MLXIPL: variants seen among roughly 807,000 people sequenced by gnomAD.
MLXIPL encodes MLX interacting protein like.
In MLXIPL, 49 loss-of-function variants were observed where a neutral mutation model predicts 81.5. That is an observed-to-expected ratio of 0.60 (90% CI 0.48 to 0.76). The LOEUF (loss-of-function observed/expected upper bound fraction) is 0.76. Among genes scored for constraint, MLXIPL ranks in the 30% least tolerant of loss-of-function variants. The pLI is 0.00. For synonymous variants in MLXIPL, 466 were observed against 485.5 expected (o/e 0.96, Z 0.53); for missense variants, 1,053 against 1,167.0 (o/e 0.90, Z 1.42).
rs545496649 is a variant in MLXIPL, at chr7:73,604,291, A to G, written c.901+1397T>C. On this transcript the variant is annotated intron_variant, in intron 7 of 16. Coordinates refer to ENST00000313375, the MANE Select transcript of MLXIPL (RefSeq NM_032951.3). ...CCTGGGATTTTCTTTAAAATAACGCACTGGGCACGGTGGCACACACCTGTA... is the reference window on the plus strand; with the variant it reads ...CCTGGGATTTTCTTTAAAATAACGCGCTGGGCACGGTGGCACACACCTGTA... Among the ~76,000 whole-genome samples, 98 of 142,708 alleles carry G rather than the reference A, an allele frequency of 6.9e-4. 1 individual carries two copies. The highest frequency in any genetic ancestry group is 2.3e-3 in the African/African-American group (90 of 38,560). The allele number at this position is 142,708 out of a possible 152,430, so 93.6% of individuals were successfully genotyped here.
chr7:73,634,243 C>T, the MLXIPL span, among the ~76,000 whole-genome samples: 21 of 152,204 alleles, frequency 1.4e-4, no homozygotes, highest in East Asian at 2.1e-3. Context: ...CCAAAAATTA[C>T]GAGTTTGCCA....
Position 73,596,219 on chromosome 7 carries a change from G to A in MLXIPL, c.1992C>T (p.Asn664=). Residue 664 remains asparagine, a synonymous_variant, in exon 13 of 17, where the codon AAC becomes AAT. Transcript: ENST00000313375. The surrounding 1 kb of genome is among the most constrained non-coding windows in gnomAD (Gnocchi z 4.7). ...HISAEQKRRF[N]IKLGFDTLHG... ...GAAGGGTGTCAAACCCCAGCTTGAT[G>A]TTGAAGCGCCGCTTCTGCTCCGCGG... is the stretch of plus-strand genomic sequence containing the variant. 1 of 1,613,634 alleles carries A rather than the reference G, an allele frequency of 6.2e-7. No homozygotes were observed. The highest frequency in any genetic ancestry group is 1.3e-5 in the African/African-American group (1 of 74,954).
chr7:73,624,495 C>A lies in MLXIPL; in HGVS notation c.-3G>T. 1 of 1,524,146 alleles carries A rather than the reference C, an allele frequency of 6.6e-7. No homozygotes were observed. Among genetic ancestry groups the A allele is most frequent in the Non-Finnish European group, 8.8e-7 (1 of 1,142,382 alleles). 94.4% of individuals were successfully genotyped at this position (1,524,146 alleles called of 1,614,324 possible). A position where few individuals can be genotyped will look rare whatever the true frequency, so the allele number is the denominator to read the frequency against. On this transcript the variant is annotated 5_prime_UTR_variant, in exon 1 of 17. Transcript: ENST00000313375. ...AGACCTGCCAGCGCGCCGGCCATGG[C>A]TGTCGCCGCCGCAACCGCCTGGTCC... is the stretch of plus-strand genomic sequence containing the variant.
chr7:73,596,882 G>A lies in MLXIPL; in HGVS notation c.1654C>T (p.Arg552Trp), dbSNP rs139279697. 165 of 1,611,310 alleles carry A rather than the reference G, an allele frequency of 1.0e-4. No homozygotes were observed. Among genetic ancestry groups the A allele is most frequent in the Middle Eastern group, 1.9e-4 (1 of 5,208 alleles). The change falls in exon 10 of 17, where the codon CGG becomes TGG. Residue 552 changes from arginine to tryptophan, a missense_variant. By Grantham distance (101) the Arg-to-Trp change is moderately radical. This residue lies in a region of MLXIPL where 823 missense variants were observed against 933.0 expected (regional missense o/e 0.88). Coordinates refer to ENST00000313375, the MANE Select transcript of MLXIPL (RefSeq NM_032951.3). The surrounding 1 kb of genome is among the most constrained non-coding windows in gnomAD (Gnocchi z 4.7). ...GATCTTACCGGGGACCCTGGGGACC[G>A]GAGGAGGGTGCTGGATACAAGTGGT... is the stretch of plus-strand genomic sequence containing the variant. ...EPPLVSSTLL[R>W]SPGSPQETVP...
At chr7:73,620,604 G>A (rs1310009706) in intron 1 of MLXIPL, among the ~76,000 whole-genome samples, 3 of 147,558 alleles carry the variant, frequency 2.0e-5, no homozygotes, top group Admixed American at 6.9e-5. Flanking sequence ...AAAGCCGGAT[G>A]TGGTGGCAGG....
At position 73,607,014 on chromosome 7, in the gene MLXIPL, C is replaced by T. The variant is rs919046656; in HGVS notation, c.578G>A (p.Arg193His). Residue 193 changes from arginine (R) to histidine (H), a missense_variant, in exon 5 of 17, where the codon CGT (arginine) becomes CAT (histidine). Coordinates refer to ENST00000313375, the MANE Select transcript of MLXIPL (RefSeq NM_032951.3). ...KWRIYYKKRL[R>H]KPSREDDLLA... ...GAGGTCATCTTCCCTGCTGGGCTTA[C>T]GGAGCTGCAGGGACACACAGAGTTG... 5 of 1,613,526 alleles carry T rather than the reference C, an allele frequency of 3.1e-6. No homozygotes were observed. Among genetic ancestry groups the T allele is most frequent in the Admixed American group, 3.3e-5 (2 of 59,900 alleles).
intron 7 of MLXIPL, among the ~76,000 whole-genome samples, chr7:73,603,184 G>A (rs1554596872): frequency 6.6e-6 from 1 of 152,142 alleles, no homozygotes; most frequent in Non-Finnish European, 1.5e-5. Context: ...TGGGGGCAAC[G>A]AGAGCTGCCG....
the MLXIPL span, among the ~76,000 whole-genome samples, chr7:73,630,372 A>G: frequency 2.5e-4 from 34 of 137,662 alleles, no homozygotes; most frequent in African/African-American, 9.4e-4. Context: ...GGGTCATTGC[A>G]AGCTCTGCTT....
the MLXIPL span, among the ~76,000 whole-genome samples, chr7:73,630,137 A>G: frequency 1.3e-5 from 2 of 151,866 alleles, no homozygotes; most frequent in Non-Finnish European, 2.9e-5. Context: ...AGCTGGGACT[A>G]CAGGCGCCCG....
At position 73,596,230 on chromosome 7, in the gene MLXIPL, G is replaced by C; in HGVS notation, c.1981C>G (p.Arg661Gly). 6.2e-7 allele frequency: 1 copy of C among 1,613,522 alleles called. No individual in the cohort carries two copies. Among genetic ancestry groups the C allele is most frequent in the Non-Finnish European group, 8.5e-7 (1 of 1,179,960 alleles). The change falls in exon 13 of 17, where the codon CGG (arginine) becomes GGG (glycine). Residue 661 changes from arginine to glycine, a missense_variant. Around this residue, in one of 3 missense-constraint regions of MLXIPL, gnomAD observed 823 missense variants for 933.0 expected, o/e 0.88. Coordinates refer to ENST00000313375, the MANE Select transcript of MLXIPL (RefSeq NM_032951.3). This position sits in a 1 kb window ranked among gnomAD's most constrained non-coding sequence, Gnocchi z 4.7. ...RITHISAEQK[R>G]RFNIKLGFDT... ...AACCCCAGCTTGATGTTGAAGCGCC[G>C]CTTCTGCTCCGCGGAGATGTGTGTG...
rs541619213 is a variant in MLXIPL, at chr7:73,623,067, T to A, written c.293+1133A>T. Among the ~76,000 whole-genome samples, 8 of 152,190 alleles carry A rather than the reference T, an allele frequency of 5.3e-5. No homozygotes were observed. Among genetic ancestry groups the A allele is most frequent in the East Asian group, 1.9e-4 (1 of 5,162 alleles). On this transcript the variant is annotated intron_variant, in intron 1 of 16. Coordinates refer to ENST00000313375, the MANE Select transcript of MLXIPL (RefSeq NM_032951.3). This position sits in a 1 kb window ranked among gnomAD's most constrained non-coding sequence, Gnocchi z 5.7. The stretch of plus-strand genomic sequence containing the variant: ...CGCCCTGGCCGATCGGGTTGCAACA[T>A]GACCTGGGCCAGGGGCCAGAGCTTG...
chr7:73,597,150 C>G, intron 9 of MLXIPL, 32 bp downstream of exon 9: 1 of 1,581,534 alleles, frequency 6.3e-7, no homozygotes, highest in South Asian at 1.1e-5. Flanking sequence ...CCTCCCTCCC[C>G]AGGCTTTCCT....
intron 7 of MLXIPL, among the ~76,000 whole-genome samples, chr7:73,602,233 T>G (rs1794933999): frequency 6.7e-6 from 1 of 149,444 alleles, no homozygotes; most frequent in Admixed American, 6.7e-5. Flanking sequence ...TTTTTTTTTT[T>G]TGAGATGGAG....
intron 8 of MLXIPL, among the ~76,000 whole-genome samples, chr7:73,599,071 GAAA>G (rs781997234): frequency 1.7e-5 from 2 of 120,756 alleles, no homozygotes; most frequent in African/African-American, 3.0e-5. Context: ...CTGTCTCAAA[GAAA>G]AAAAAAAAAA....
At chr7:73,627,756 G>A (rs549499415), upstream of MLXIPL, among the ~76,000 whole-genome samples, 10 of 152,252 alleles carry the variant, frequency 6.6e-5, no homozygotes, top group Admixed American at 2.6e-4. Flanking sequence ...TAAGAGGAGC[G>A]GGTGGGGTGC....
chr7:73,645,798 T>C, the MLXIPL span, among the ~76,000 whole-genome samples: 3 of 152,150 alleles, frequency 2.0e-5, no homozygotes, highest in African/African-American at 7.2e-5. Context: ...ATGCTTGGGT[T>C]TGAATATCAG....
At chr7:73,614,673 C>A (rs1795895380) in intron 2 of MLXIPL, among the ~76,000 whole-genome samples, 1 of 152,134 alleles carries the variant, frequency 6.6e-6, no homozygotes, top group Admixed American at 6.6e-5. Flanking sequence ...GGGGTGTTCC[C>A]AAATGAATGA....
the MLXIPL span, among the ~76,000 whole-genome samples, chr7:73,633,092 T>TTA: frequency 1.5e-5 from 2 of 137,898 alleles, no homozygotes; most frequent in African/African-American, 5.4e-5. Flanking sequence ...TTTTTTTTTT[T>TTA]TTATTTGAGA....
intron 2 of MLXIPL, among the ~76,000 whole-genome samples, chr7:73,608,643 C>T (rs555121828): frequency 6.6e-6 from 1 of 152,018 alleles, no homozygotes; most frequent in Non-Finnish European, 1.5e-5. Context: ...GGGCCTAGAG[C>T]CTTGGGTCCT....
Sources: gnomAD v4.1 joint callset for allele counts (sites outside exome capture counted in the v4.1 genomes callset) on GRCh38, gnomAD v4.1.1 for gene constraint, gnomAD v4.1.1 regional missense constraint, Gnocchi (gnomAD v3.1) non-coding constraint, MANE v1.5 for transcripts, NCBI Gene and HGNC (gene_info 2026-07-23, HGNC 2026-07-21) for gene names.